SNX29: variants seen among roughly 807,000 people sequenced by gnomAD.
SNX29 encodes the protein sorting nexin-29.
A neutral mutation model predicts 102.1 loss-of-function variants in SNX29; 78 were observed. The observed-to-expected ratio is 0.76, with a 90% CI of 0.64 to 0.92. SNX29 has a LOEUF of 0.92. Among genes scored for constraint, SNX29 ranks in the 40% least tolerant of loss-of-function variants. The pLI, the probability that SNX29 is intolerant of heterozygous loss-of-function variation, is 0.00. For synonymous variants in SNX29, 580 were observed against 414.5 expected (o/e 1.40, Z -4.85); for missense variants, 1,280 against 1,061.7 (o/e 1.21, Z -2.86).
At chr16:12,485,310 T>C (rs1014811699) in intron 19 of SNX29, among the ~76,000 whole-genome samples, 5 of 152,150 alleles carry the variant, frequency 3.3e-5, no homozygotes, top group Non-Finnish European at 7.3e-5. Flanking sequence ...TTTTTGATGA[T>C]GTTACTAAAG....
intron 20 of SNX29, among the ~76,000 whole-genome samples, chr16:12,540,952 C>G (rs754257627): frequency 6.6e-6 from 1 of 152,002 alleles, no homozygotes; most frequent in Non-Finnish European, 1.5e-5. Context: ...GTCAGGCTGC[C>G]TGTAGTTCAG....
chr16:12,265,543 C>T (rs1264664290), intron 14 of SNX29, among the ~76,000 whole-genome samples: 3 of 151,992 alleles, frequency 2.0e-5, no homozygotes, highest in Non-Finnish European at 2.9e-5. Flanking sequence ...GGCAGGCTCT[C>T]ACTCTTGTAT....
chr16:12,502,713 A>C (rs1295164430), intron 19 of SNX29, among the ~76,000 whole-genome samples: 1 of 152,212 alleles, frequency 6.6e-6, no homozygotes, highest in Non-Finnish European at 1.5e-5. Context: ...CCTCTACGTG[A>C]AACATGAACT....
intron 11 of SNX29, among the ~76,000 whole-genome samples, chr16:12,088,885 C>T (rs569367915): frequency 2.6e-5 from 4 of 152,030 alleles, no homozygotes; most frequent in East Asian, 1.9e-4. Flanking sequence ...GTCAGGAGTT[C>T]GAGACCAGCC....
At chr16:12,267,245 AGTGTGT>A (rs59796551) in intron 14 of SNX29, among the ~76,000 whole-genome samples, 3 of 150,568 alleles carry the variant, frequency 2.0e-5, no homozygotes, top group Non-Finnish European at 4.4e-5. Context: ...CATGGGTGCG[AGTGTGT>A]GTGTGTGTGT....
intron 15 of SNX29, among the ~76,000 whole-genome samples, chr16:12,328,928 A>C (rs1180659679): frequency 6.6e-6 from 1 of 152,036 alleles, no homozygotes; most frequent in African/African-American, 2.4e-5. Context: ...CCCTGGGCTC[A>C]GTTTCCTATC....
chr16:12,079,113 C>A (rs905453341), intron 11 of SNX29, among the ~76,000 whole-genome samples, 198 bp downstream of exon 11: 1 of 152,194 alleles, frequency 6.6e-6, no homozygotes, highest in Non-Finnish European at 1.5e-5. Context: ...GGCGTGTGCG[C>A]GCTAAAGGGC....
chr16:12,400,463 G>C (rs937247973), intron 17 of SNX29, among the ~76,000 whole-genome samples: 1 of 152,226 alleles, frequency 6.6e-6, no homozygotes, highest in African/African-American at 2.4e-5. Flanking sequence ...TTCAAACCCA[G>C]GCAGTGCTGG....
intron 10 of SNX29, among the ~76,000 whole-genome samples, chr16:12,073,739 CGTT>C (rs2051411706): frequency 6.6e-6 from 1 of 151,748 alleles, no homozygotes; most frequent in Non-Finnish European, 1.5e-5. Flanking sequence ...CTTTCTGTCT[CGTT>C]GATCTGTCTA....
chr16:12,009,938 CT>C (rs1402282225), intron 3 of SNX29, among the ~76,000 whole-genome samples: 1 of 152,232 alleles, frequency 6.6e-6, no homozygotes, highest in Non-Finnish European at 1.5e-5. Flanking sequence ...GAAGTTTTCC[CT>C]TCAAATTATG....
chr16:12,362,834 C>G (rs890893001), intron 16 of SNX29, among the ~76,000 whole-genome samples: 2 of 152,140 alleles, frequency 1.3e-5, no homozygotes, highest in African/African-American at 4.8e-5. Flanking sequence ...TCAGTGTTAT[C>G]TTTCCCGCGT....
chr16:11,986,371 A>G (rs1208915201), intron 1 of SNX29, among the ~76,000 whole-genome samples: 1 of 74,342 alleles, frequency 1.3e-5, no homozygotes, highest in African/African-American at 3.9e-5. Flanking sequence ...TCCTCCTACA[A>G]CTTAAAAAAA....
At chr16:12,094,060 A>T (rs1312035382) in intron 11 of SNX29, among the ~76,000 whole-genome samples, 2 of 152,138 alleles carry the variant, frequency 1.3e-5, no homozygotes, top group African/African-American at 4.8e-5. Context: ...GCACATCCCT[A>T]CATGTATTAG....
At chr16:12,372,184 G>A (rs1188564941) in intron 16 of SNX29, among the ~76,000 whole-genome samples, 3 of 152,110 alleles carry the variant, frequency 2.0e-5, no homozygotes, top group Non-Finnish European at 4.4e-5. Flanking sequence ...TAACACAAAT[G>A]GGATAATTTA....
At chr16:12,487,532 C>T (rs1462033856) in intron 19 of SNX29, among the ~76,000 whole-genome samples, 4 of 152,110 alleles carry the variant, frequency 2.6e-5, no homozygotes, top group African/African-American at 4.8e-5. Context: ...GGAATTGAGC[C>T]GAACTCTGCA....
At chr16:12,115,020 C>A (rs1208504972) in intron 11 of SNX29, among the ~76,000 whole-genome samples, 1 of 152,186 alleles carries the variant, frequency 6.6e-6, no homozygotes, top group Non-Finnish European at 1.5e-5. Context: ...TTCTCTCGGT[C>A]TTTCCATCTG....
intron 18 of SNX29, among the ~76,000 whole-genome samples, chr16:12,425,557 AAAGAG>A (rs370443637): frequency 7.7e-6 from 1 of 130,518 alleles, no homozygotes; most frequent in African/African-American, 2.7e-5. Context: ...AAAAAAATAA[AAAGAG>A]GGAATAGAAA....
At chr16:12,379,477 T>A (rs774461671) in intron 16 of SNX29, among the ~76,000 whole-genome samples, 5 of 152,256 alleles carry the variant, frequency 3.3e-5, no homozygotes, top group Non-Finnish European at 7.3e-5. Context: ...ATGACTTGGC[T>A]GCTGCCACTC....
At chr16:12,126,816 T>A in intron 12 of SNX29, 120 bp downstream of exon 12, 1 of 1,029,194 alleles carries the variant, frequency 9.7e-7, no homozygotes, top group Non-Finnish European at 1.5e-6. Flanking sequence ...GACTGGCTAT[T>A]TCTTATCGTC....
Sources: allele counts gnomAD v4.1 joint callset (sites outside exome capture counted in the v4.1 genomes callset), GRCh38; gene constraint gnomAD v4.1.1; transcripts MANE v1.5; gene names NCBI Gene and HGNC (gene_info 2026-07-23, HGNC 2026-07-21).